EIF4ENIF1: variants seen among roughly 807,000 people sequenced by gnomAD.
EIF4ENIF1 encodes eukaryotic translation initiation factor 4E transporter.
A neutral mutation model predicts 110.5 loss-of-function variants in EIF4ENIF1; 23 were observed. The ratio of observed to expected loss-of-function variants is 0.21; its 90% CI spans 0.15 to 0.29. EIF4ENIF1 has a LOEUF of 0.29. EIF4ENIF1 is among the 10% of genes least tolerant of loss of function. The pLI is 1.00. For synonymous variants in EIF4ENIF1, 440 were observed against 437.0 expected (o/e 1.01, Z -0.09); for missense variants, 1,031 against 1,221.1 (o/e 0.84, Z 2.32).
intron 4 of EIF4ENIF1, among the ~76,000 whole-genome samples, chr22:31,464,675 C>CAAAAAAAAAAAAAAAAAAAAAAAAAAAAA (rs770904708): frequency 3.2e-5 from 1 of 30,924 alleles, no homozygotes; most frequent in Non-Finnish European, 5.1e-5. Flanking sequence ...GATTCAGTCT[C>CAAAAAAAAAAAAAAAAAAAAAAAAAAAAA]AAAAAAAAAA....
At chr22:31,449,049 C>T (rs944046000) in intron 12 of EIF4ENIF1, among the ~76,000 whole-genome samples, 4 of 152,174 alleles carry the variant, frequency 2.6e-5, no homozygotes, top group Admixed American at 6.5e-5. Flanking sequence ...CTCGCTCTGT[C>T]GCCCAGGCTG....
chr22:31,475,876 C>T (rs1354264923), intron 2 of EIF4ENIF1, among the ~76,000 whole-genome samples: 3 of 151,482 alleles, frequency 2.0e-5, no homozygotes, highest in African/African-American at 7.3e-5. Flanking sequence ...AAAAACAAAA[C>T]ACACCACGGG....
chr22:31,439,854 G>C lies in EIF4ENIF1; in HGVS notation c.*26C>G. 6.2e-7 allele frequency: 1 copy of C among 1,608,726 alleles called. No homozygotes were observed. The highest frequency in any genetic ancestry group is 8.5e-7 in the Non-Finnish European group (1 of 1,179,626). ...TGCCCAGTGTGCCACCACAGGTCCG[G>C]GCTTAGTTGAGTCTGCCTGCCCTGC... On this transcript the variant is annotated 3_prime_UTR_variant, in exon 19 of 19. Transcript: ENST00000330125.
At chr22:31,453,923 T>C (rs2050746027) in intron 10 of EIF4ENIF1, among the ~76,000 whole-genome samples, 2 of 152,182 alleles carry the variant, frequency 1.3e-5, no homozygotes, top group African/African-American at 4.8e-5. Context: ...TTAATCTTTA[T>C]ACTGTCACCC....
At chr22:31,485,466 T>C (rs2051983544) in intron 2 of EIF4ENIF1, among the ~76,000 whole-genome samples, 2 of 152,174 alleles carry the variant, frequency 1.3e-5, no homozygotes, top group South Asian at 4.1e-4. Context: ...CTGATCGGTG[T>C]GTGAAAGTGA....
At chr22:31,476,228 C>T (rs1011627411) in intron 2 of EIF4ENIF1, among the ~76,000 whole-genome samples, 1 of 152,182 alleles carries the variant, frequency 6.6e-6, no homozygotes, top group Non-Finnish European at 1.5e-5. Context: ...CAAAGACAAT[C>T]TTTCACGCTT....
intron 10 of EIF4ENIF1, among the ~76,000 whole-genome samples, chr22:31,451,712 G>C (rs1306387518): frequency 6.8e-6 from 1 of 146,178 alleles, no homozygotes; most frequent in Non-Finnish European, 1.5e-5. Context: ...GGCTGGCCTT[G>C]AACTTCTGGG....
In EIF4ENIF1 at chr22:31,463,579, G is replaced by A. The variant is rs1268105433; in HGVS notation, c.585+102C>T. ...TGCCTATAATCCCAGATACTGGGCT[G>A]AGGCAGCAGTGAGTCAAGATCGTGC... On this transcript the variant is annotated intron_variant, in intron 5 of 18. Coordinates refer to ENST00000330125, the MANE Select transcript of EIF4ENIF1 (RefSeq NM_019843.4). The A allele has an allele frequency of 2.5e-6, 3 of 1,182,256 alleles. No individual in the cohort carries two copies. In the African/African-American group the frequency reaches 4.7e-5, roughly 19 times the overall value. The allele number at this position is 1,182,256 out of a possible 1,614,324, so 73.2% of individuals were successfully genotyped here. A position where few individuals can be genotyped will look rare whatever the true frequency, so the allele number is the denominator to read the frequency against.
chr22:31,463,594 C>A, intron 5 of EIF4ENIF1, 87 bp downstream of exon 5: 1 of 1,319,306 alleles, frequency 7.6e-7, no homozygotes, highest in South Asian at 1.6e-5. Context: ...AGCAGTGAGT[C>A]AAGATCGTGC....
chr22:31,444,484 A>T, intron 15 of EIF4ENIF1, 122 bp downstream of exon 15: 1 of 905,258 alleles, frequency 1.1e-6, no homozygotes, highest in Non-Finnish European at 1.8e-6. Flanking sequence ...ATGAAAAACT[A>T]CTAGGTCAGT....
chr22:31,446,943 A>G (rs2050497558), intron 14 of EIF4ENIF1: 1 of 462,250 alleles, frequency 2.2e-6, no homozygotes, highest in African/African-American at 2.0e-5. Flanking sequence ...CAAACCTGTC[A>G]GCTCTGGCCA....
intron 6 of EIF4ENIF1, among the ~76,000 whole-genome samples, chr22:31,460,001 CAT>C (rs1479727881): frequency 1.3e-5 from 2 of 152,188 alleles, no homozygotes; most frequent in African/African-American, 2.4e-5. Context: ...TTAAGAAAAA[CAT>C]AATTTTTTCT....
rs1601670631 is a variant in EIF4ENIF1, at chr22:31,488,995, T to C, written c.-27-250A>G. 1.2e-4 allele frequency among the ~76,000 whole-genome samples: 18 copies of C among 152,334 alleles called. No individual in the cohort carries two copies. The South Asian group carries it at 3.5e-3, about 30-fold the overall frequency. ...TGCCCAATTCAAGGTATATAACCTT[T>C]AAGCAGCTTTAACACAAGAGAAACC... is the stretch of plus-strand genomic sequence containing the variant. On this transcript the variant is annotated intron_variant, in intron 1 of 18. Coordinates refer to ENST00000330125, the MANE Select transcript of EIF4ENIF1 (RefSeq NM_019843.4).
rs1292117675 is a variant in EIF4ENIF1, at chr22:31,489,741, C to G, written c.-75G>C. The stretch of plus-strand genomic sequence containing the variant: ...GCCCTTTGCCTCGGCCGCCGCTCCC[C>G]TCCCCGCTGCCCGCACCGGTCCCAG... On this transcript the variant is annotated 5_prime_UTR_variant, in exon 1 of 19. Coordinates refer to ENST00000330125, the MANE Select transcript of EIF4ENIF1 (RefSeq NM_019843.4). 6.6e-6 allele frequency: 1 copy of G among 152,422 alleles called. No homozygotes were observed. Among genetic ancestry groups the G allele is most frequent in the Non-Finnish European group, 1.5e-5 (1 of 68,444 alleles). The allele number at this position is 152,422 out of a possible 1,614,324, so 9.4% of individuals were successfully genotyped here. A position where few individuals can be genotyped will look rare whatever the true frequency, so the allele number is the denominator to read the frequency against.
intron 2 of EIF4ENIF1, among the ~76,000 whole-genome samples, chr22:31,480,647 C>T (rs1601648164): frequency 1.3e-5 from 2 of 152,102 alleles, no homozygotes; most frequent in Non-Finnish European, 2.9e-5. Flanking sequence ...CCCAGCTACT[C>T]GGGAGGCTAA....
rs1322132735 is a variant in EIF4ENIF1, at chr22:31,446,934, A to G, written c.1988+492T>C. On this transcript the variant is annotated intron_variant, in intron 14 of 18. Transcript: ENST00000330125. ...CTACTTGTTAACAGCTCTGATCAAC[A>G]AACCTGTCAGCTCTGGCCAAAAAAC... The G allele has an allele frequency of 1.5e-4, 70 of 456,760 alleles. No homozygotes were observed. In the Admixed American group the frequency reaches 1.9e-3, roughly 12 times the overall value. The allele number at this position is 456,760 out of a possible 1,614,324, so 28.3% of individuals were successfully genotyped here.
At chr22:31,454,058 TAC>T in intron 10 of EIF4ENIF1, 84 bp downstream of exon 10, 1 of 1,245,684 alleles carries the variant, frequency 8.0e-7, no homozygotes, top group East Asian at 2.5e-5. Context: ...TTACTCAGAA[TAC>T]CTTTTTAAAA....
chr22:31,461,123 A>T (rs887143126), intron 6 of EIF4ENIF1, among the ~76,000 whole-genome samples: 1 of 152,212 alleles, frequency 6.6e-6, no homozygotes, highest in African/African-American at 2.4e-5. Flanking sequence ...GTAACCCTTA[A>T]GTTATGATAG....
intron 2 of EIF4ENIF1, among the ~76,000 whole-genome samples, chr22:31,485,671 G>A (rs1339986171): frequency 6.6e-6 from 1 of 150,562 alleles, no homozygotes; most frequent in Non-Finnish European, 1.5e-5. Context: ...AGGCATGGTG[G>A]TGCATGCCTG....
Sources: gnomAD v4.1 joint callset for allele counts (sites outside exome capture counted in the v4.1 genomes callset) on GRCh38, gnomAD v4.1.1 for gene constraint, MANE v1.5 for transcripts, NCBI Gene and HGNC (gene_info 2026-07-23, HGNC 2026-07-21) for gene names.